Variants in MBNL3 observed in about 807,000 individuals in gnomAD.
MBNL3 encodes the protein muscleblind-like protein 3.
In MBNL3, 6 loss-of-function variants were observed where a neutral mutation model predicts 24.5. The observed-to-expected ratio is 0.25, with a 90% CI of 0.13 to 0.48. The LOEUF (loss-of-function observed/expected upper bound fraction) is 0.48, where lower values mean the gene tolerates loss of function less well. Ranked by LOEUF, MBNL3 falls within the 20% of genes least tolerant of loss-of-function variation. MBNL3 has a pLI of 0.99. For missense variants in MBNL3, 230 were observed against 293.5 expected (o/e 0.78, Z 1.58); for synonymous variants, 100 against 101.7 (o/e 0.98, Z 0.10).
intron 2 of MBNL3, chrX:132,431,793 C>T (rs896189824): frequency 1.8e-5 from 2 of 111,791 alleles, no homozygotes; most frequent in African/African-American, 6.5e-5. Flanking sequence ...TATACATACT[C>T]ATGTGTCCTT....
intron 1 of MBNL3, among the ~76,000 whole-genome samples, chrX:132,480,773 G>A (rs1358161713): frequency 9.0e-6 from 1 of 111,208 alleles, no homozygotes; most frequent in Non-Finnish European, 1.9e-5. Flanking sequence ...TGGACTGTTG[G>A]TCCTTCCAAC....
In MBNL3 at chrX:132,470,232, G is replaced by T. The variant is rs199644768; in HGVS notation, c.-704+18619C>A. 5.4e-5 allele frequency among the ~76,000 whole-genome samples: 6 copies of T among 111,376 alleles called. No individual in the cohort carries two copies. In the East Asian group the frequency reaches 1.7e-3, roughly 31 times the overall value. On this transcript the variant is annotated intron_variant, in intron 1 of 8. Coordinates refer to ENST00000370853, the MANE Select transcript of MBNL3 (RefSeq NM_001386889.1). Reference sequence around the variant, plus strand: ...CAATAAAGGTAATGGTGTTTTGTGAGGCTCAATTTATAGAAAAATGTCTAA... The same window carrying T: ...CAATAAAGGTAATGGTGTTTTGTGATGCTCAATTTATAGAAAAATGTCTAA...
intron 2 of MBNL3, among the ~76,000 whole-genome samples, chrX:132,436,787 T>A (rs1359630893): frequency 8.9e-6 from 1 of 112,329 alleles, no homozygotes; most frequent in Admixed American, 9.4e-5. Context: ...GAACTTTGTT[T>A]AATGTGCTAT....
At chrX:132,447,767 G>A (rs1945813282) in intron 1 of MBNL3, among the ~76,000 whole-genome samples, 1 of 111,856 alleles carries the variant, frequency 8.9e-6, no homozygotes, top group Admixed American at 9.5e-5. Flanking sequence ...GATTGCCCTG[G>A]CCAGAACTTC....
At chrX:132,446,809 TTAGTCATGA>T (rs1185496935) in intron 1 of MBNL3, among the ~76,000 whole-genome samples, 2 of 112,207 alleles carry the variant, frequency 1.8e-5, no homozygotes, top group Non-Finnish European at 3.8e-5. Flanking sequence ...TTTTGGTGTT[TTAGTCATGA>T]AGTCTTTGCC....
At chrX:132,431,768 T>G (rs1944756710) in intron 2 of MBNL3, 2 of 112,143 alleles carry the variant, frequency 1.8e-5, no homozygotes, top group African/African-American at 6.5e-5. Flanking sequence ...CAATATCTAT[T>G]CCTGTATCTA....
chrX:132,482,705 T>C (rs1440519995), intron 1 of MBNL3, among the ~76,000 whole-genome samples: 1 of 112,628 alleles, frequency 8.9e-6, no homozygotes, highest in Non-Finnish European at 1.9e-5. Context: ...ACAATGTTAA[T>C]TTAATAAATG....
At chrX:132,408,639 C>A (rs1236891973) in intron 2 of MBNL3, among the ~76,000 whole-genome samples, 1 of 111,549 alleles carries the variant, frequency 9.0e-6, no homozygotes, top group Admixed American at 9.5e-5. Flanking sequence ...AGTGAACATG[C>A]CTTTGTGCTT....
chrX:132,439,105 T>C (rs1350891952), intron 2 of MBNL3, among the ~76,000 whole-genome samples: 1 of 110,533 alleles, frequency 9.0e-6, no homozygotes, highest in Admixed American at 9.7e-5. Flanking sequence ...TACAAAAAAG[T>C]AAACGATAGC....
rs1455065118 is a variant in MBNL3, at chrX:132,488,997, G to A, written c.-850C>T. On this transcript the variant is annotated 5_prime_UTR_variant, in exon 1 of 9. Coordinates refer to ENST00000370853, the MANE Select transcript of MBNL3 (RefSeq NM_001386889.1). ...GCGAGGTGGCCCCGGTGCCGGGAGAGCCTTTAGCAGGGGTGCATACTGAAT... is the reference window on the plus strand; with the variant it reads ...GCGAGGTGGCCCCGGTGCCGGGAGAACCTTTAGCAGGGGTGCATACTGAAT... The A allele has an allele frequency of 8.8e-6, 1 of 113,344 alleles. No homozygotes were observed. Among genetic ancestry groups the A allele is most frequent in the Non-Finnish European group, 1.9e-5 (1 of 53,432 alleles). The allele number at this position is 113,344 out of a possible 1,213,427, so 9.3% of individuals were successfully genotyped here.
chrX:132,399,756 TAAG>T (rs779461975), intron 3 of MBNL3, among the ~76,000 whole-genome samples: 3 of 107,050 alleles, frequency 2.8e-5, no homozygotes, highest in South Asian at 8.4e-4. Context: ...GGTTTTTATA[TAAG>T]GTCTCCTCTC....
At chrX:132,432,862 AT>A (rs1339111332) in intron 2 of MBNL3, 3 of 111,814 alleles carry the variant, frequency 2.7e-5, no homozygotes, top group Admixed American at 9.5e-5. Context: ...AAAAAAAAAA[AT>A]CAAGCAAATA....
intron 2 of MBNL3, among the ~76,000 whole-genome samples, chrX:132,437,512 C>T (rs1945176334): frequency 2.7e-5 from 3 of 111,899 alleles, no homozygotes; most frequent in African/African-American, 9.7e-5. Context: ...ACAATAATCA[C>T]AGAAGTTAGG....
In MBNL3 at chrX:132,406,381, G is replaced by A. The variant is rs1171934898; in HGVS notation, c.189C>T (p.Thr63=). 8.4e-7 allele frequency: 1 copy of A among 1,192,734 alleles called. No homozygotes were observed. The highest frequency in any genetic ancestry group is 1.1e-6 in the Non-Finnish European group (1 of 884,887). The change falls in exon 3 of 9, where the codon ACC becomes ACT. Residue 63 remains threonine (T), a synonymous_variant. Coordinates refer to ENST00000370853, the MANE Select transcript of MBNL3 (RefSeq NM_001386889.1). ...GGTGAAGGTACTTGCAGTTCTCTCG[G>A]GTACACCGACCCTGACAATGAAGAA... ...ACFDSLKGRC[T]RENCKYLHPP...
At chrX:132,460,551 A>G (rs1295660274) in intron 1 of MBNL3, among the ~76,000 whole-genome samples, 1 of 111,916 alleles carries the variant, frequency 8.9e-6, no homozygotes, top group Non-Finnish European at 1.9e-5. Flanking sequence ...AAATTAGTTA[A>G]TATTTGTAAA....
At chrX:132,394,811 C>A (rs5977695) in intron 3 of MBNL3, among the ~76,000 whole-genome samples, 10,197 of 110,927 alleles carry the variant, frequency 0.092, 501 homozygotes, top group African/African-American at 0.19. Flanking sequence ...ATTCTCCTAG[C>A]TAAGTTCTGC....
intron 6 of MBNL3, among the ~76,000 whole-genome samples, chrX:132,385,423 C>T (rs1935824233): frequency 9.0e-6 from 1 of 110,589 alleles, no homozygotes; most frequent in African/African-American, 3.3e-5. Context: ...TGGAAGTAGC[C>T]AAGGTAGAGT....
chrX:132,455,390 C>T (rs1569456472), intron 1 of MBNL3, among the ~76,000 whole-genome samples: 1 of 111,654 alleles, frequency 9.0e-6, no homozygotes, highest in Admixed American at 9.5e-5. Flanking sequence ...GCAAGGCATG[C>T]GATTTAAATC....
chrX:132,458,618 C>A (rs183958735), intron 1 of MBNL3, among the ~76,000 whole-genome samples: 2 of 110,946 alleles, frequency 1.8e-5, no homozygotes, highest in East Asian at 5.7e-4. Context: ...CTCATGAGAA[C>A]AAACCCAGTC....
Sources: allele counts gnomAD v4.1 joint callset (sites outside exome capture counted in the v4.1 genomes callset), GRCh38; gene constraint gnomAD v4.1.1; transcripts MANE v1.5; gene names NCBI Gene and HGNC (gene_info 2026-07-23, HGNC 2026-07-21).